Variants in IDNK observed in about 807,000 individuals in gnomAD.
IDNK encodes the protein IDNK gluconokinase.
Under a neutral mutation model 13.0 loss-of-function variants are expected in IDNK, and 9 were observed. The observed-to-expected ratio is 0.69, with a 90% confidence interval of 0.42 to 1.21. The LOEUF is 1.21. Ranked by LOEUF, IDNK falls within the 50% of genes most tolerant of loss-of-function variation. IDNK has a pLI of 0.00. For missense variants in IDNK, 210 were observed against 237.8 expected (o/e 0.88, Z 0.77); for synonymous variants, 92 against 94.9 (o/e 0.97, Z 0.18).
At chr9:83,624,738 A>G (rs1408285504) in intron 1 of IDNK, among the ~76,000 whole-genome samples, 1 of 149,992 alleles carries the variant, frequency 6.7e-6, no homozygotes, top group Non-Finnish European at 1.5e-5. Flanking sequence ...TTTGAGGCGG[A>G]GCTTCACTCC....
chr9:83,627,620 C>G (rs1830890425), intron 1 of IDNK, among the ~76,000 whole-genome samples: 1 of 152,118 alleles, frequency 6.6e-6, no homozygotes, highest in South Asian at 2.1e-4. Flanking sequence ...ACCAAATGCT[C>G]TACACAGAGA....
intron 3 of IDNK, among the ~76,000 whole-genome samples, chr9:83,634,857 A>C (rs566817378): frequency 6.6e-6 from 1 of 152,332 alleles, no homozygotes; most frequent in East Asian, 1.9e-4. Flanking sequence ...GCCAAAAAGA[A>C]ATTAATTTTT....
At chr9:83,628,380 G>C (rs1252042299) in intron 2 of IDNK, among the ~76,000 whole-genome samples, 169 bp downstream of exon 2, 1 of 152,198 alleles carries the variant, frequency 6.6e-6, no homozygotes, top group African/African-American at 2.4e-5. Flanking sequence ...GAATAGGCAG[G>C]GTGCGGTGGC....
At chr9:83,628,069 G>A (rs1412531873) in intron 1 of IDNK, 112 bp from the exon 2 acceptor site, 22 of 1,524,982 alleles carry the variant, frequency 1.4e-5, no homozygotes, top group Non-Finnish European at 1.8e-5. Flanking sequence ...CACAGTGATT[G>A]GTGTTTAAAT....
Position 83,628,195 on chromosome 9 carries a change from C to A in IDNK, c.65C>A (p.Ala22Asp). The A allele has an allele frequency of 1.3e-6, 2 of 1,550,556 alleles. No homozygotes were observed. Among genetic ancestry groups the A allele is most frequent in the Non-Finnish European group, 1.7e-6 (2 of 1,146,936 alleles). The change falls in exon 2 of 5, where the codon GCC becomes GAC. Residue 22 changes from alanine to aspartate, a missense_variant. Coordinates refer to ENST00000376419, the MANE Select transcript of IDNK (RefSeq NM_001001551.4). Reference sequence around the variant, plus strand: ...CCTCTCCACAGATCCACCGTGGGCGCCCTGCTGGCATCTGAGGTTAGTAAC... The same window carrying A: ...CCTCTCCACAGATCCACCGTGGGCGACCTGCTGGCATCTGAGGTTAGTAAC... ...VSGSGKSTVGALLASELGWKF... is the reference protein window; with the variant it reads ...VSGSGKSTVGDLLASELGWKF...
At chr9:83,624,413 T>C (rs575031939) in intron 1 of IDNK, among the ~76,000 whole-genome samples, 2 of 152,348 alleles carry the variant, frequency 1.3e-5, no homozygotes, top group South Asian at 4.1e-4. Context: ...TTACTCTATG[T>C]CATTGTCATA....
chr9:83,642,074 A>C (rs1041339608), intron 4 of IDNK, among the ~76,000 whole-genome samples: 1 of 152,126 alleles, frequency 6.6e-6, no homozygotes, highest in Non-Finnish European at 1.5e-5. Flanking sequence ...GCCTGAGGTC[A>C]TTTGTGAGTG....
chr9:83,623,293 G>T, intron 1 of IDNK, 72 bp downstream of exon 1: 2 of 1,279,598 alleles, frequency 1.6e-6, no homozygotes, highest in Non-Finnish European at 2.0e-6. Flanking sequence ...ACGCGTCGCC[G>T]TCCCTGCCGG....
chr9:83,644,012 A>T lies in IDNK; in HGVS notation c.*232A>T. On this transcript the variant is annotated 3_prime_UTR_variant, in exon 5 of 5. Transcript: ENST00000376419. ...AAATTGAAGTTTAAATTCATCTATA[A>T]CCAAATCAAATGATCAGAGGAAATT... 2.2e-6 allele frequency: 1 copy of T among 446,944 alleles called. No homozygotes were observed. Among genetic ancestry groups the T allele is most frequent in the Non-Finnish European group, 4.0e-6 (1 of 248,230 alleles). The allele number at this position is 446,944 out of a possible 1,614,324, so 27.7% of individuals were successfully genotyped here.
intron 2 of IDNK, 58 bp downstream of exon 2, chr9:83,628,269 T>G: frequency 1.4e-6 from 2 of 1,391,480 alleles, no homozygotes; most frequent in Non-Finnish European, 2.0e-6. Context: ...CTGGTCTCCT[T>G]GCATCTCTGC....
At chr9:83,642,647 A>C (rs1831343513) in intron 4 of IDNK, among the ~76,000 whole-genome samples, 1 of 151,172 alleles carries the variant, frequency 6.6e-6, no homozygotes, top group Non-Finnish European at 1.5e-5. Context: ...AGCCAGCCCC[A>C]AGCCAGAATT....
rs1476202473 is a variant in IDNK, at chr9:83,641,400, C to T, written c.169-148C>T. The T allele has an allele frequency of 7.7e-5, 57 of 743,728 alleles. No individual in the cohort carries two copies. The Admixed American group carries it at 1.3e-3, about 17-fold the overall frequency. 46.1% of individuals were successfully genotyped at this position (743,728 alleles called of 1,614,324 possible). A position where few individuals can be genotyped will look rare whatever the true frequency, so the allele number is the denominator to read the frequency against. On this transcript the variant is annotated intron_variant, in intron 3 of 4. Transcript: ENST00000376419. ...AAATGTTTCTGCCCAGCAGCTGGCC[C>T]CTCAGCCTTGTGCATGGCCCACTCC...
chr9:83,635,967 T>C (rs1363927192), intron 3 of IDNK, among the ~76,000 whole-genome samples: 2 of 152,224 alleles, frequency 1.3e-5, no homozygotes, highest in Non-Finnish European at 2.9e-5. Context: ...TGTGGGAGGC[T>C]TCAAGGCCCA....
intron 1 of IDNK, among the ~76,000 whole-genome samples, chr9:83,623,907 G>C (rs932445746): frequency 6.6e-6 from 1 of 152,168 alleles, no homozygotes; most frequent in Non-Finnish European, 1.5e-5. Flanking sequence ...CCCTTTATCA[G>C]AAAAGACAGC....
chr9:83,625,006 C>T (rs1020832960), intron 1 of IDNK, among the ~76,000 whole-genome samples: 20 of 151,086 alleles, frequency 1.3e-4, no homozygotes, highest in South Asian at 6.2e-4. Flanking sequence ...TGAGCCACCG[C>T]GCCCAGCTAA....
At chr9:83,630,818 G>A (rs746259630) in intron 3 of IDNK, among the ~76,000 whole-genome samples, 1 of 152,168 alleles carries the variant, frequency 6.6e-6, no homozygotes, top group Non-Finnish European at 1.5e-5. Flanking sequence ...TGCTTGTTAA[G>A]TGGACTCTAT....
At chr9:83,625,037 C>G (rs568536875) in intron 1 of IDNK, among the ~76,000 whole-genome samples, 2 of 152,190 alleles carry the variant, frequency 1.3e-5, no homozygotes, top group South Asian at 4.1e-4. Flanking sequence ...CTTTAAGGAG[C>G]AGGAAGGAAC....
At position 83,631,451 on chromosome 9, in the gene IDNK, GAAA is replaced by G. The variant is rs57832482; in HGVS notation, c.168+2509_168+2511del. 3.2e-3 allele frequency among the ~76,000 whole-genome samples: 181 copies of G among 56,938 alleles called. 2 individuals carry two copies. The highest frequency in any genetic ancestry group is 0.012 in the African/African-American group (165 of 13,990). The allele number at this position is 56,938 out of a possible 152,430, so 37.4% of individuals were successfully genotyped here. A position where few individuals can be genotyped will look rare whatever the true frequency, so the allele number is the denominator to read the frequency against. On this transcript the variant is annotated intron_variant, in intron 3 of 4. Transcript: ENST00000376419. Reference sequence around the variant, plus strand: ...GCAAGTCCCTGCCTCTACAAAAACTGAAAAAAAAAAAAAAAAAAAGGCTGGTGG... The same window carrying G: ...GCAAGTCCCTGCCTCTACAAAAACTGAAAAAAAAAAAAAAAAGGCTGGTGG...
Position 83,643,929 on chromosome 9 carries a change from T to A in IDNK, c.*149T>A. The stretch of plus-strand genomic sequence containing the variant: ...TCAAGACAGACTTGTTTAGGTGTAA[T>A]TTTAGGAATTATGCTGGTTCATCAG... On this transcript the variant is annotated 3_prime_UTR_variant, in exon 5 of 5. Coordinates refer to ENST00000376419, the MANE Select transcript of IDNK (RefSeq NM_001001551.4). 1 of 590,544 alleles carries A rather than the reference T, an allele frequency of 1.7e-6. No homozygotes were observed. The highest frequency in any genetic ancestry group is 2.9e-6 in the Non-Finnish European group (1 of 339,238). The allele number at this position is 590,544 out of a possible 1,614,324, so 36.6% of individuals were successfully genotyped here.
Sources: gnomAD v4.1 joint callset for allele counts (sites outside exome capture counted in the v4.1 genomes callset) on GRCh38, gnomAD v4.1.1 for gene constraint, MANE v1.5 for transcripts, NCBI Gene and HGNC (gene_info 2026-07-23, HGNC 2026-07-21) for gene names.